ALDH7A1: variants seen among roughly 807,000 people sequenced by gnomAD.
ALDH7A1 encodes the protein alpha-aminoadipic semialdehyde dehydrogenase.
A neutral mutation model predicts 79.9 loss-of-function variants in ALDH7A1; 63 were observed. The ratio of observed to expected loss-of-function variants is 0.79; its 90% CI spans 0.64 to 0.97. The LOEUF (loss-of-function observed/expected upper bound fraction) is 0.97. Among genes scored for constraint, ALDH7A1 ranks in the 50% least tolerant of loss-of-function variants. The probability of loss-of-function intolerance (pLI) is 0.00; values close to 1 mark genes in which losing one functional copy is unlikely to be tolerated. For synonymous variants in ALDH7A1, 240 were observed against 231.2 expected, an observed-to-expected ratio of 1.04 and a Z score of -0.34; for missense variants, 627 against 665.2, an observed-to-expected ratio of 0.94 and a Z score of 0.63.
chr5:126,545,027 GA>G lies in ALDH7A1; in HGVS notation c.1566-9del. On this transcript the variant is annotated splice_polypyrimidine_tract_variant and intron_variant, in intron 17 of 17. Coordinates refer to ENST00000409134, the MANE Select transcript of ALDH7A1 (RefSeq NM_001182.5). ...TTACTGTAGTTGATAGTACTAGTGG[GA>G]AAAAATAACAGAATTAATGACAGTA... The G allele has an allele frequency of 6.3e-7, 1 of 1,599,342 alleles. No homozygotes were observed. The highest frequency in any genetic ancestry group is 8.6e-7 in the Non-Finnish European group (1 of 1,166,740).
chr5:126,576,977 T>C (rs1750993888), intron 6 of ALDH7A1, 102 bp downstream of exon 6: 6 of 1,464,388 alleles, frequency 4.1e-6, no homozygotes, highest in South Asian at 2.3e-5. Context: ...GGTGTGGTGA[T>C]GCACACTTAT....
chr5:126,552,323 T>C (rs1750028566), intron 13 of ALDH7A1, among the ~76,000 whole-genome samples, 186 bp from the exon 14 acceptor site: 1 of 152,148 alleles, frequency 6.6e-6, no homozygotes. Context: ...GGTTCTAACT[T>C]AGTTGGTCAG....
At chr5:126,571,534 C>T (rs558543376) in intron 7 of ALDH7A1, among the ~76,000 whole-genome samples, 3 of 151,314 alleles carry the variant, frequency 2.0e-5, no homozygotes, top group South Asian at 4.2e-4. Flanking sequence ...ATAGAAGACA[C>T]GAAGCATTGT....
At chr5:126,576,642 T>C (rs1028588296) in intron 6 of ALDH7A1, among the ~76,000 whole-genome samples, 2 of 152,210 alleles carry the variant, frequency 1.3e-5, no homozygotes, top group African/African-American at 4.8e-5. Flanking sequence ...CAAAGTTTTA[T>C]TGGCCAGGTG....
At chr5:126,555,809 C>A (rs1750173363) in intron 12 of ALDH7A1, 122 bp downstream of exon 12, 1 of 785,268 alleles carries the variant, frequency 1.3e-6, no homozygotes, top group East Asian at 2.9e-5. Flanking sequence ...GCCTAATAAC[C>A]TGCTTCATGT....
intron 9 of ALDH7A1, among the ~76,000 whole-genome samples, chr5:126,563,170 A>C (rs1229124458): frequency 3.3e-5 from 5 of 152,102 alleles, no homozygotes; most frequent in African/African-American, 1.2e-4. Context: ...AAAGAAAGAA[A>C]CCTATGGCCC....
At chr5:126,586,251 C>CCA (rs1280115033) in intron 3 of ALDH7A1, 1 of 152,170 alleles carries the variant, frequency 6.6e-6, no homozygotes, top group African/African-American at 2.4e-5. Flanking sequence ...GAAACAAAAA[C>CCA]CTGTAGCATT....
intron 13 of ALDH7A1, among the ~76,000 whole-genome samples, chr5:126,552,746 T>A (rs1206832953): frequency 6.6e-6 from 1 of 151,906 alleles, no homozygotes. Flanking sequence ...ATTTTTTTTT[T>A]TTATTATTTG....
At chr5:126,554,453 T>A in intron 12 of ALDH7A1, 60 bp from the exon 13 acceptor site, 1 of 1,331,446 alleles carries the variant, frequency 7.5e-7, no homozygotes. Context: ...CGTTTTATTA[T>A]TAGAACAGCT....
At chr5:126,576,147 C>T (rs2112793179) in intron 6 of ALDH7A1, among the ~76,000 whole-genome samples, 1 of 151,728 alleles carries the variant, frequency 6.6e-6, no homozygotes, top group East Asian at 2.0e-4. Context: ...CCTGTAGTCC[C>T]AGCTACTCGG....
rs184081964 is a variant in ALDH7A1 at position 126,574,721 on chromosome 5, A to C, written c.695+699T>G. 8.2e-3 allele frequency among the ~76,000 whole-genome samples: 1,251 copies of C among 151,768 alleles called. 19 individuals are homozygous for C. The highest frequency in any genetic ancestry group is 0.029 in the African/African-American group (1,209 of 41,294). On this transcript the variant is annotated intron_variant, in intron 7 of 17. Transcript: ENST00000409134. ...AAAAATAATAATAATAATAATAATA[A>C]TATTCTAATATGAAGAACCCTCTTG...
intron 5 of ALDH7A1, among the ~76,000 whole-genome samples, chr5:126,582,412 A>C (rs1199329759): frequency 6.6e-6 from 1 of 152,252 alleles, no homozygotes; most frequent in East Asian, 1.9e-4. Context: ...ACATGCTAAT[A>C]GTCTACCAAA....
chr5:126,543,336 A>G lies in ALDH7A1; in HGVS notation c.*1629T>C, dbSNP rs1749675548. The G allele has an allele frequency of 6.6e-6, 1 of 152,170 alleles. No homozygotes were observed. Among genetic ancestry groups the G allele is most frequent in the African/African-American group, 2.4e-5 (1 of 41,432 alleles). The allele number at this position is 152,170 out of a possible 1,614,324, so 9.4% of individuals were successfully genotyped here. ...AATTTGTTTCAAAGAAAGCTTTCAG[A>G]ATCAGTTTTACCTAAAATCTATAGC... On this transcript the variant is annotated 3_prime_UTR_variant, in exon 18 of 18. Coordinates refer to ENST00000409134, the MANE Select transcript of ALDH7A1 (RefSeq NM_001182.5).
chr5:126,559,172 A>G (rs1053996836), intron 11 of ALDH7A1, 68 bp downstream of exon 11: 2 of 1,354,208 alleles, frequency 1.5e-6, no homozygotes, highest in Admixed American at 3.4e-5. Context: ...ACACCTCTCT[A>G]ACAGCAGAAC....
chr5:126,551,676 T>TTCACAGCACTCAGGCTA (rs1457283687), intron 14 of ALDH7A1, among the ~76,000 whole-genome samples: 1 of 152,068 alleles, frequency 6.6e-6, no homozygotes, highest in Non-Finnish European at 1.5e-5. Flanking sequence ...TGCTGACATG[T>TTCACAGCACTCAGGCTA]TCACAGCACT....
intron 2 of ALDH7A1, among the ~76,000 whole-genome samples, 171 bp from the exon 3 acceptor site, chr5:126,592,900 G>A (rs1045948055): frequency 2.6e-5 from 4 of 152,146 alleles, no homozygotes; most frequent in South Asian, 2.1e-4. Flanking sequence ...GCTAGAACCC[G>A]GTAAAACAGG....
intron 13 of ALDH7A1, among the ~76,000 whole-genome samples, 155 bp downstream of exon 13, chr5:126,554,132 T>C (rs536968385): frequency 6.6e-6 from 1 of 151,954 alleles, no homozygotes; most frequent in African/African-American, 2.4e-5. Context: ...AACAAAAACA[T>C]GTGTTTCCTT....
rs767127542 is a variant in ALDH7A1 at position 126,550,185 on chromosome 5, CAAAGTTGT to C, written c.1415+3_1415+10del. ...GACTTATATAAATTTTCAAAATAGA[CAAAGTTGT>C]ACCCAAGCCAGCGAAAGATTCTGCC... On this transcript the variant is annotated splice_donor_5th_base_variant and intron_variant, in intron 15 of 17. Coordinates refer to ENST00000409134, the MANE Select transcript of ALDH7A1 (RefSeq NM_001182.5). 14 of 1,610,730 alleles carry C rather than the reference CAAAGTTGT, an allele frequency of 8.7e-6. No homozygotes were observed. The South Asian group carries it at 1.5e-4, about 18-fold the overall frequency.
intron 11 of ALDH7A1, 64 bp downstream of exon 11, chr5:126,559,176 G>T: frequency 7.2e-7 from 1 of 1,382,408 alleles, no homozygotes; most frequent in Non-Finnish European, 1.0e-6. Flanking sequence ...CTCTCTAACA[G>T]CAGAACTCAT....
Sources: allele counts gnomAD v4.1 joint callset (sites outside exome capture counted in the v4.1 genomes callset), GRCh38; gene constraint gnomAD v4.1.1; transcripts MANE v1.5; gene names NCBI Gene and HGNC (gene_info 2026-07-23, HGNC 2026-07-21).